ERBB4: variants seen among roughly 807,000 people sequenced by gnomAD.
ERBB4 encodes the protein receptor tyrosine-protein kinase erbB-4.
A neutral mutation model predicts 158.0 loss-of-function variants in ERBB4; 42 were observed. That is an observed-to-expected ratio of 0.27 (90% CI 0.21 to 0.34). ERBB4 has a LOEUF of 0.34. ERBB4 is among the 10% of genes least tolerant of loss of function. ERBB4 has a pLI of 1.00. For missense variants in ERBB4, 1,333 were observed against 1,624.1 expected, an observed-to-expected ratio of 0.82 and a Z score of 3.08; for synonymous variants, 583 against 558.7, an observed-to-expected ratio of 1.04 and a Z score of -0.61.
At chr2:211,610,032 A>G (rs963337999) in intron 19 of ERBB4, among the ~76,000 whole-genome samples, 10 of 152,122 alleles carry the variant, frequency 6.6e-5, no homozygotes, top group African/African-American at 1.4e-4. Flanking sequence ...ACGCTTTTGT[A>G]ATACCATTTT....
In ERBB4 at chr2:212,180,185, T is replaced by C. The variant is rs146053627; in HGVS notation, c.83-55282A>G. 4.3e-4 allele frequency among the ~76,000 whole-genome samples: 66 copies of C among 151,842 alleles called. 1 individual carries two copies. The highest frequency in any genetic ancestry group is 9.2e-4 in the Admixed American group (14 of 15,210). ...TGCCAGTGATATAATGGACCAATAA[T>C]TGAAGCACATAGTATATCCTCATAG... On this transcript the variant is annotated intron_variant, in intron 1 of 27. Transcript: ENST00000342788.
intron 1 of ERBB4, among the ~76,000 whole-genome samples, chr2:212,447,199 G>A (rs1266881376): frequency 6.6e-6 from 1 of 151,814 alleles, no homozygotes; most frequent in Non-Finnish European, 1.5e-5. Context: ...GGGTTTCATT[G>A]TGTTAGCCAG....
chr2:211,898,298 C>G (rs543767987), intron 3 of ERBB4, among the ~76,000 whole-genome samples: 2 of 152,102 alleles, frequency 1.3e-5, no homozygotes, highest in South Asian at 4.1e-4. Context: ...TGATAAAACA[C>G]AGCACAAAGA....
intron 16 of ERBB4, among the ~76,000 whole-genome samples, chr2:211,643,527 T>C (rs1404657420): frequency 6.6e-6 from 1 of 152,128 alleles, no homozygotes; most frequent in Non-Finnish European, 1.5e-5. Flanking sequence ...AAAGTGACTA[T>C]GTCCAAATTT....
intron 1 of ERBB4, among the ~76,000 whole-genome samples, chr2:212,350,330 G>T (rs1308284531): frequency 1.3e-5 from 2 of 151,982 alleles, no homozygotes; most frequent in Non-Finnish European, 2.9e-5. Flanking sequence ...CACAAGAATA[G>T]TTTCCTTAAG....
At chr2:211,694,813 T>A (rs1314500286) in intron 12 of ERBB4, among the ~76,000 whole-genome samples, 1 of 152,136 alleles carries the variant, frequency 6.6e-6, no homozygotes, top group Non-Finnish European at 1.5e-5. Context: ...CTGCATTTTG[T>A]TTGTAAAAGC....
intron 19 of ERBB4, among the ~76,000 whole-genome samples, chr2:211,603,290 A>G (rs1278303440): frequency 7.2e-5 from 11 of 152,168 alleles, no homozygotes; most frequent in Admixed American, 7.2e-4. Context: ...AAGAAAAAGG[A>G]AAGAGTAACT....
At chr2:212,001,604 T>C (rs1223332453) in intron 2 of ERBB4, among the ~76,000 whole-genome samples, 1 of 152,234 alleles carries the variant, frequency 6.6e-6, no homozygotes, top group Non-Finnish European at 1.5e-5. Flanking sequence ...CAGTTAGATG[T>C]GCTGTGTACA....
intron 1 of ERBB4, among the ~76,000 whole-genome samples, chr2:212,143,814 G>C (rs1437121861): frequency 3.9e-5 from 6 of 152,064 alleles, no homozygotes; most frequent in Admixed American, 6.6e-5. Context: ...TCAGGAGTTC[G>C]AGACTAGCTT....
chr2:212,112,871 A>C (rs1036858774), intron 2 of ERBB4, among the ~76,000 whole-genome samples: 1 of 152,240 alleles, frequency 6.6e-6, no homozygotes, highest in Admixed American at 6.5e-5. Context: ...TTCCAGTATA[A>C]CAAAATTCAC....
intron 1 of ERBB4, among the ~76,000 whole-genome samples, chr2:212,165,225 G>A (rs1397509704): frequency 1.3e-5 from 2 of 151,712 alleles, no homozygotes; most frequent in Non-Finnish European, 1.5e-5. Flanking sequence ...AGTTGCGAGT[G>A]GGATTCTTTC....
chr2:211,623,854 C>T (rs2069729803), intron 18 of ERBB4, 68 bp downstream of exon 18: 5 of 1,475,426 alleles, frequency 3.4e-6, no homozygotes, highest in East Asian at 4.5e-5. Context: ...GTAATAACTC[C>T]ATTGGCTATT....
intron 2 of ERBB4, among the ~76,000 whole-genome samples, chr2:211,994,836 A>G (rs1376729464): frequency 6.6e-6 from 1 of 152,244 alleles, no homozygotes; most frequent in Non-Finnish European, 1.5e-5. Flanking sequence ...AGGCATTCTC[A>G]GGGAATAGAT....
In ERBB4 at chr2:211,380,755, C is replaced by T. The variant is rs2062561155; in HGVS notation, c.*2860G>A. 4.3e-6 allele frequency: 1 copy of T among 231,802 alleles called. No homozygotes were observed. The highest frequency in any genetic ancestry group is 8.5e-6 in the Non-Finnish European group (1 of 117,286). 14.4% of individuals were successfully genotyped at this position (231,802 alleles called of 1,614,324 possible). A position where few individuals can be genotyped will look rare whatever the true frequency, so the allele number is the denominator to read the frequency against. On this transcript the variant is annotated 3_prime_UTR_variant, in exon 28 of 28. Transcript: ENST00000342788. ...AGCATTTGGGTCATTTTGGATTATT[C>T]CTACATGCATCTCTAGGTATTACCC...
At chr2:212,503,870 CAA>C (rs1691037434) in intron 1 of ERBB4, among the ~76,000 whole-genome samples, 1 of 142,436 alleles carries the variant, frequency 7.0e-6, no homozygotes, top group Non-Finnish European at 1.6e-5. Context: ...GGATCTCAAA[CAA>C]AAAGAGAAAA....
At chr2:212,261,004 T>G (rs2084925477) in intron 1 of ERBB4, among the ~76,000 whole-genome samples, 1 of 152,130 alleles carries the variant, frequency 6.6e-6, no homozygotes, top group Non-Finnish European at 1.5e-5. Context: ...GACAGTGGAC[T>G]CGATCTGGAC....
intron 20 of ERBB4, among the ~76,000 whole-genome samples, chr2:211,446,244 C>T (rs1269309142): frequency 6.6e-6 from 1 of 151,982 alleles, no homozygotes; most frequent in African/African-American, 2.4e-5. Flanking sequence ...TAAAGATTGC[C>T]AAAGAATACT....
intron 20 of ERBB4, among the ~76,000 whole-genome samples, chr2:211,515,896 T>TTTATATATATATATATATA (rs1394844699): frequency 1.1e-5 from 1 of 88,958 alleles, no homozygotes; most frequent in Non-Finnish European, 2.1e-5. Context: ...AAAACATATA[T>TTTATATATATATATATATA]TATATATATA....
rs57567965 is a variant in ERBB4 at position 212,102,090 on chromosome 2, TTATATATATA to T, written c.234+22652_234+22661del. Among the ~76,000 whole-genome samples the T allele has an allele frequency of 1.9e-5, 2 of 107,978 alleles. 1 individual carries two copies. Among genetic ancestry groups the T allele is most frequent in the South Asian group, 7.1e-4 (2 of 2,836 alleles). 70.8% of individuals were successfully genotyped at this position (107,978 alleles called of 152,430 possible). ...AAATCATATACGTTGAAAATTTATTTTATATATATATATATATATATATGTCAGGTCAGAT... is the reference window on the plus strand; with the variant it reads ...AAATCATATACGTTGAAAATTTATTTTATATATATATATGTCAGGTCAGAT... On this transcript the variant is annotated intron_variant, in intron 2 of 27. Coordinates refer to ENST00000342788, the MANE Select transcript of ERBB4 (RefSeq NM_005235.3).
Sources: allele counts gnomAD v4.1 joint callset (sites outside exome capture counted in the v4.1 genomes callset), GRCh38; gene constraint gnomAD v4.1.1; transcripts MANE v1.5; gene names NCBI Gene and HGNC (gene_info 2026-07-23, HGNC 2026-07-21).